The following POC1B variants were observed in gnomAD, a reference collection of about 807,000 sequenced individuals.
POC1B encodes POC1 centriolar protein homolog B.
In POC1B, 44 loss-of-function variants were observed where a neutral mutation model predicts 60.6. The observed-to-expected ratio is 0.73, with a 90% confidence interval of 0.57 to 0.93. The LOEUF (loss-of-function observed/expected upper bound fraction) is 0.93, where lower values mean the gene tolerates loss of function less well. Ranked by LOEUF, POC1B falls within the 40% of genes least tolerant of loss-of-function variation. The pLI is 0.00. For synonymous variants in POC1B, 180 were observed against 198.9 expected, an observed-to-expected ratio of 0.90 and a Z score of 0.80; for missense variants, 555 against 572.3, an observed-to-expected ratio of 0.97 and a Z score of 0.31.
intron 2 of POC1B, among the ~76,000 whole-genome samples, chr12:89,516,020 C>G (rs1420389139): frequency 6.6e-6 from 1 of 152,130 alleles, no homozygotes; most frequent in African/African-American, 2.4e-5. Context: ...TCAACCCAAC[C>G]CCCAAACAGA....
intron 1 of POC1B, 54 bp downstream of exon 1, chr12:89,525,827 G>A: frequency 7.1e-7 from 1 of 1,400,232 alleles, no homozygotes; most frequent in Non-Finnish European, 9.3e-7. Context: ...TGGCCCCGCA[G>A]CCCGCGGGAC....
intron 2 of POC1B, chr12:89,520,111 G>A (rs959153233): frequency 4.6e-5 from 7 of 152,142 alleles, no homozygotes; most frequent in South Asian, 4.1e-4. Context: ...TTTCTGTTAT[G>A]TACTCTATTA....
At chr12:89,412,106 A>G in the POC1B span, among the ~76,000 whole-genome samples, 1 of 152,364 alleles carries the variant, frequency 6.6e-6, no homozygotes, top group Non-Finnish European at 1.5e-5. Context: ...AACCTAAGGT[A>G]GTGATAGTGT....
the POC1B span, among the ~76,000 whole-genome samples, chr12:89,412,035 C>T: frequency 1.3e-5 from 2 of 152,206 alleles, no homozygotes; most frequent in African/African-American, 4.8e-5. Flanking sequence ...CGTCTTTGTT[C>T]TGCTAACTTT....
Position 89,467,719 on chromosome 12 carries a change from C to T in POC1B, c.811-34G>A, listed in dbSNP as rs371831494. Reference sequence around the variant, plus strand: ...TAAAGGGAAATAAAGAAAAAAAGTACTTGGTAATGCTTTCTCATGGCCAAG... The same window carrying T: ...TAAAGGGAAATAAAGAAAAAAAGTATTTGGTAATGCTTTCTCATGGCCAAG... On this transcript the variant is annotated intron_variant, in intron 7 of 11. Coordinates refer to ENST00000313546, the MANE Select transcript of POC1B (RefSeq NM_172240.3). 1.3e-5 allele frequency: 19 copies of T among 1,508,266 alleles called. No homozygotes were observed. The East Asian group carries it at 1.8e-4, about 14-fold the overall frequency. The allele number at this position is 1,508,266 out of a possible 1,614,324, so 93.4% of individuals were successfully genotyped here.
downstream of POC1B, among the ~76,000 whole-genome samples, chr12:89,414,992 G>A (rs1327611331): frequency 4.6e-5 from 7 of 152,192 alleles, no homozygotes; most frequent in East Asian, 1.2e-3. Context: ...TTCCAGGCAA[G>A]CCTTTTTCTT....
intron 2 of POC1B, chr12:89,500,656 T>C (rs1869511471): frequency 6.4e-7 from 1 of 1,567,156 alleles, no homozygotes; most frequent in Non-Finnish European, 8.8e-7. Flanking sequence ...CTTTTGAAAA[T>C]TCAGTAAATA....
At chr12:89,414,392 G>T in the POC1B span, among the ~76,000 whole-genome samples, 1 of 152,184 alleles carries the variant, frequency 6.6e-6, no homozygotes, top group Non-Finnish European at 1.5e-5. Flanking sequence ...AAAAGTAGTT[G>T]TGCACATACC....
chr12:89,449,178 G>A (rs554623593), intron 10 of POC1B, among the ~76,000 whole-genome samples: 1 of 152,310 alleles, frequency 6.6e-6, no homozygotes, highest in East Asian at 1.9e-4. Context: ...CTCTGAGGTT[G>A]TTTAATCGGA....
chr12:89,426,260 A>G (rs1028284208), intron 10 of POC1B: 16 of 152,174 alleles, frequency 1.1e-4, no homozygotes, highest in African/African-American at 3.9e-4. Context: ...TTATTGCTCA[A>G]TGAGTACAGA....
intron 10 of POC1B, among the ~76,000 whole-genome samples, chr12:89,449,457 T>C (rs1881945708): frequency 6.6e-6 from 1 of 152,148 alleles, no homozygotes; most frequent in Non-Finnish European, 1.5e-5. Context: ...TAAAACATCA[T>C]GTTATACATA....
intron 1 of POC1B, 29 bp downstream of exon 1, chr12:89,525,852 G>A: frequency 2.1e-6 from 3 of 1,411,546 alleles, no homozygotes; most frequent in Non-Finnish European, 2.8e-6. Context: ...TCCAGGGAGG[G>A]ACCCCCCCCA....
intron 4 of POC1B, among the ~76,000 whole-genome samples, chr12:89,483,086 T>C (rs1036274814): frequency 2.6e-5 from 4 of 152,134 alleles, no homozygotes; most frequent in Admixed American, 2.6e-4. Context: ...TAATTTTTTT[T>C]TGTAATTTTA....
intron 10 of POC1B, chr12:89,428,766 C>G (rs948091070): frequency 2.0e-5 from 3 of 152,168 alleles, no homozygotes; most frequent in African/African-American, 7.2e-5. Context: ...CCATGTTAGC[C>G]AGGATGGTCT....
At chr12:89,452,686 AT>A (rs1882100501) in intron 10 of POC1B, among the ~76,000 whole-genome samples, 1 of 152,044 alleles carries the variant, frequency 6.6e-6, no homozygotes, top group Non-Finnish European at 1.5e-5. Flanking sequence ...TAAAAAGCAT[AT>A]TTTATTTGAA....
chr12:89,479,747 T>C (rs571401824), intron 4 of POC1B, among the ~76,000 whole-genome samples: 2 of 152,146 alleles, frequency 1.3e-5, no homozygotes, highest in Admixed American at 1.3e-4. Flanking sequence ...GTCCATGGCA[T>C]ACATTTAAAA....
intron 2 of POC1B, among the ~76,000 whole-genome samples, chr12:89,504,989 G>A (rs576850371): frequency 6.6e-6 from 1 of 151,968 alleles, no homozygotes; most frequent in South Asian, 2.1e-4. Context: ...TAAGAAAAAG[G>A]CACACTACCC....
chr12:89,514,700 G>T (rs532982664), intron 2 of POC1B, among the ~76,000 whole-genome samples: 35 of 152,154 alleles, frequency 2.3e-4, no homozygotes, highest in African/African-American at 8.4e-4. Context: ...AAGCCACTGC[G>T]CCCGGCCTCA....
intron 9 of POC1B, among the ~76,000 whole-genome samples, chr12:89,463,119 T>C (rs1351763753): frequency 6.6e-6 from 1 of 152,148 alleles, no homozygotes; most frequent in Non-Finnish European, 1.5e-5. Flanking sequence ...TATTATTATA[T>C]AAATATTTGG....
Sources: gnomAD v4.1 joint callset for allele counts (sites outside exome capture counted in the v4.1 genomes callset) on GRCh38, gnomAD v4.1.1 for gene constraint, MANE v1.5 for transcripts, NCBI Gene and HGNC (gene_info 2026-07-23, HGNC 2026-07-21) for gene names.